The following MIR2052HG variants were observed in gnomAD, a reference collection of about 807,000 sequenced individuals.
MIR2052HG encodes MIR2052 host gene.
At chr8:74,704,117 GA>G (rs754673627) in intron 4 of MIR2052HG, among the ~76,000 whole-genome samples, 1 of 151,936 alleles carries the variant, frequency 6.6e-6, no homozygotes, top group Admixed American at 6.6e-5. Flanking sequence ...ATAGATCTGT[GA>G]TTTTTTTTCT....
intron 2 of MIR2052HG, among the ~76,000 whole-genome samples, chr8:74,617,883 T>C (rs1188445228): frequency 6.6e-6 from 1 of 152,246 alleles, no homozygotes; most frequent in Admixed American, 6.5e-5. Context: ...TTGGACTTTT[T>C]AGTAATAGCC....
At chr8:74,651,373 G>C (rs1808750688) in intron 2 of MIR2052HG, among the ~76,000 whole-genome samples, 1 of 152,078 alleles carries the variant, frequency 6.6e-6, no homozygotes, top group Admixed American at 6.6e-5. Flanking sequence ...GTAATGGTTA[G>C]AAGTCTGTAT....
chr8:74,624,997 C>G (rs759398041), intron 2 of MIR2052HG, among the ~76,000 whole-genome samples: 31 of 152,166 alleles, frequency 2.0e-4, no homozygotes, highest in Non-Finnish European at 4.0e-4. Flanking sequence ...CATATGGATC[C>G]AGGAGTAAAA....
chr8:74,690,382 T>C (rs1035869860), intron 2 of MIR2052HG, among the ~76,000 whole-genome samples: 3 of 152,146 alleles, frequency 2.0e-5, no homozygotes, highest in Non-Finnish European at 4.4e-5. Context: ...TGAGCTAATG[T>C]ACAGAGGCAG....
intron 4 of MIR2052HG, among the ~76,000 whole-genome samples, chr8:74,730,332 G>T (rs1340888065): frequency 6.6e-6 from 1 of 152,014 alleles, no homozygotes; most frequent in African/African-American, 2.4e-5. Flanking sequence ...TTTTCTCTTT[G>T]CTATAACAAC....
rs959661030 is a variant in MIR2052HG, at chr8:74,730,644, A to G, written n.372-21797A>G. Among the ~76,000 whole-genome samples the G allele has an allele frequency of 4.6e-5, 7 of 152,304 alleles. No individual in the cohort carries two copies. The East Asian group carries it at 1.4e-3, about 29-fold the overall frequency. ...TGTGTGGGTAGGAGTAGATATTGGC[A>G]TAACTGTTTTGGAAGGCAACTTAAT... On this transcript the variant is annotated intron_variant and non_coding_transcript_variant, in intron 4 of 6. Coordinates refer to ENST00000523442, the Ensembl canonical transcript of MIR2052HG.
intron 2 of MIR2052HG, among the ~76,000 whole-genome samples, chr8:74,640,268 C>A (rs894886763): frequency 2.0e-5 from 3 of 151,864 alleles, no homozygotes; most frequent in Non-Finnish European, 2.9e-5. Context: ...GAGATTAAAA[C>A]TATCCTGGCC....
At chr8:74,600,514 G>A (rs138611347) in intron 1 of MIR2052HG, among the ~76,000 whole-genome samples, 2 of 150,890 alleles carry the variant, frequency 1.3e-5, no homozygotes, top group African/African-American at 4.9e-5. Flanking sequence ...CCGGGGAGGC[G>A]GAGGTTGTGG....
intron 4 of MIR2052HG, among the ~76,000 whole-genome samples, chr8:74,712,644 A>G (rs895205882): frequency 4.0e-4 from 61 of 151,430 alleles, no homozygotes; most frequent in African/African-American, 1.4e-3. Flanking sequence ...TTGTATTACA[A>G]CTTGGCTACT....
chr8:74,658,605 C>T (rs190212938), intron 2 of MIR2052HG, among the ~76,000 whole-genome samples: 2 of 152,204 alleles, frequency 1.3e-5, no homozygotes, highest in East Asian at 1.9e-4. Flanking sequence ...AGGCTGGTCT[C>T]GAACTCCTGA....
chr8:74,663,404 C>T (rs1371130515), intron 2 of MIR2052HG, among the ~76,000 whole-genome samples: 1 of 152,160 alleles, frequency 6.6e-6, no homozygotes, highest in Non-Finnish European at 1.5e-5. Context: ...TTTTACCTAT[C>T]CCAAATTTGT....
chr8:74,737,760 C>T (rs1809782852), intron 4 of MIR2052HG, among the ~76,000 whole-genome samples: 1 of 152,118 alleles, frequency 6.6e-6, no homozygotes, highest in Admixed American at 6.6e-5. Flanking sequence ...TTGTTCACTG[C>T]CATAAACAAT....
intron 2 of MIR2052HG, among the ~76,000 whole-genome samples, chr8:74,659,793 C>T (rs981926794): frequency 2.0e-5 from 3 of 152,128 alleles, no homozygotes; most frequent in African/African-American, 7.2e-5. Context: ...TGAACTTCCT[C>T]TTTATAGCAC....
chr8:74,742,520 T>C (rs1253333295), intron 4 of MIR2052HG, among the ~76,000 whole-genome samples: 1 of 152,192 alleles, frequency 6.6e-6, no homozygotes, highest in East Asian at 1.9e-4. Context: ...ATGATGCCTA[T>C]AATTAGGTGA....
intron 2 of MIR2052HG, among the ~76,000 whole-genome samples, chr8:74,615,844 G>A (rs1191682049): frequency 6.6e-6 from 1 of 151,958 alleles, no homozygotes; most frequent in East Asian, 1.9e-4. Context: ...TCTCACCTAT[G>A]AGTGAGAACA....
chr8:74,687,288 G>A (rs1809192520), intron 2 of MIR2052HG, among the ~76,000 whole-genome samples: 1 of 151,984 alleles, frequency 6.6e-6, no homozygotes, highest in African/African-American at 2.4e-5. Flanking sequence ...CAGTATGGAG[G>A]TTACTCAAAA....
At chr8:74,619,621 T>C (rs1303869916) in intron 2 of MIR2052HG, among the ~76,000 whole-genome samples, 2 of 152,000 alleles carry the variant, frequency 1.3e-5, no homozygotes, top group African/African-American at 4.8e-5. Flanking sequence ...GCAGGGGAAA[T>C]GCCAGACACT....
At chr8:74,633,013 A>ATTTG (rs369694068) in intron 2 of MIR2052HG, among the ~76,000 whole-genome samples, 10 of 151,354 alleles carry the variant, frequency 6.6e-5, no homozygotes, top group Admixed American at 2.0e-4. Flanking sequence ...CTACTCTTTT[A>ATTTG]TTTGTTTGTT....
intron 4 of MIR2052HG, among the ~76,000 whole-genome samples, chr8:74,736,420 C>T (rs1809745172): frequency 1.3e-5 from 2 of 152,064 alleles, no homozygotes; most frequent in African/African-American, 4.8e-5. Context: ...AAAATATTTT[C>T]TTGGCAGTAA....
Sources: allele counts gnomAD v4.1 joint callset (sites outside exome capture counted in the v4.1 genomes callset), GRCh38; gene constraint gnomAD v4.1.1; transcripts MANE v1.5; gene names NCBI Gene and HGNC (gene_info 2026-07-23, HGNC 2026-07-21).